The following SEMA3C variants were observed in gnomAD, a reference collection of about 807,000 sequenced individuals.
The protein encoded by SEMA3C is semaphorin 3C.
A neutral mutation model predicts 89.4 loss-of-function variants in SEMA3C; 47 were observed. The observed-to-expected ratio is 0.53, with a 90% CI of 0.42 to 0.67. SEMA3C has a LOEUF of 0.67. Ranked by LOEUF, SEMA3C falls within the 30% of genes least tolerant of loss-of-function variation. SEMA3C has a pLI of 0.00. For missense variants in SEMA3C, 839 were observed against 929.1 expected, an observed-to-expected ratio of 0.90 and a Z score of 1.26; for synonymous variants, 310 against 320.2, an observed-to-expected ratio of 0.97 and a Z score of 0.34.
At position 80,793,596 on chromosome 7, in the gene SEMA3C, T is replaced by C. The variant is rs114595703; in HGVS notation, c.1132-4068A>G. 6.0e-4 allele frequency: 229 copies of C among 383,972 alleles called. 3 individuals are homozygous for C. Among genetic ancestry groups the C allele is most frequent in the African/African-American group, 4.6e-3 (215 of 47,174 alleles). 23.8% of individuals were successfully genotyped at this position (383,972 alleles called of 1,614,324 possible). ...ATAAACAATCAATTTTGGTTTAGGA[T>C]CAATTTCCCTACATACTCAAGAGGC... is the stretch of plus-strand genomic sequence containing the variant. On this transcript the variant is annotated intron_variant, in intron 11 of 17. Coordinates refer to ENST00000265361, the MANE Select transcript of SEMA3C (RefSeq NM_006379.5).
intron 11 of SEMA3C, among the ~76,000 whole-genome samples, chr7:80,789,781 T>G (rs1282979172): frequency 6.6e-6 from 1 of 152,168 alleles, no homozygotes; most frequent in Non-Finnish European, 1.5e-5. Flanking sequence ...GATGCCATCT[T>G]GTATATGAGA....
intron 2 of SEMA3C, 31 bp downstream of exon 2, chr7:80,916,648 T>C (rs1792281729): frequency 2.5e-6 from 4 of 1,579,132 alleles, no homozygotes; most frequent in Non-Finnish European, 3.4e-6. Flanking sequence ...TAAAATAACA[T>C]TTTTCCCAGA....
At chr7:80,828,821 T>C (rs1789942514) in intron 2 of SEMA3C, 76 bp from the exon 3 acceptor site, 5 of 1,142,912 alleles carry the variant, frequency 4.4e-6, no homozygotes, top group African/African-American at 3.2e-5. Flanking sequence ...AAAACTATTA[T>C]GCAAATATTC....
At chr7:80,779,518 T>C (rs1038776585) in intron 12 of SEMA3C, among the ~76,000 whole-genome samples, 6 of 152,182 alleles carry the variant, frequency 3.9e-5, no homozygotes, top group African/African-American at 1.4e-4. Flanking sequence ...TCGGATAATG[T>C]CATTTCTAAC....
At chr7:80,751,783 G>A (rs1296959140) in intron 15 of SEMA3C, among the ~76,000 whole-genome samples, 1 of 152,028 alleles carries the variant, frequency 6.6e-6, no homozygotes, top group Non-Finnish European at 1.5e-5. Flanking sequence ...AATGTTTTCT[G>A]TTTCTAGATA....
intron 2 of SEMA3C, among the ~76,000 whole-genome samples, chr7:80,882,935 C>A (rs1791381552): frequency 6.7e-6 from 1 of 149,384 alleles, no homozygotes; most frequent in South Asian, 2.1e-4. Context: ...TTACCTAAAC[C>A]CTCTTATATA....
intron 2 of SEMA3C, among the ~76,000 whole-genome samples, chr7:80,836,335 G>T (rs185278324): frequency 6.6e-6 from 1 of 152,122 alleles, no homozygotes; most frequent in African/African-American, 2.4e-5. Flanking sequence ...ATGCCAAATG[G>T]ATTAAAGAAG....
intron 2 of SEMA3C, among the ~76,000 whole-genome samples, chr7:80,861,604 G>A (rs1790772869): frequency 1.3e-5 from 2 of 152,160 alleles, no homozygotes; most frequent in Non-Finnish European, 2.9e-5. Context: ...AACATTTAAA[G>A]CCTTTAGAAG....
upstream of SEMA3C, among the ~76,000 whole-genome samples, chr7:80,921,360 T>G (rs3762021): frequency 6.6e-6 from 1 of 152,078 alleles, no homozygotes; most frequent in Non-Finnish European, 1.5e-5. Flanking sequence ...CCAAGATAGA[T>G]TCAAGCGCAA....
At chr7:80,804,706 G>T (rs752238220) in intron 7 of SEMA3C, among the ~76,000 whole-genome samples, 1 of 152,082 alleles carries the variant, frequency 6.6e-6, no homozygotes, top group South Asian at 2.1e-4. Flanking sequence ...GAAAAACAGC[G>T]TCATTAGTCA....
chr7:80,783,152 A>T (rs1328433757), intron 12 of SEMA3C, among the ~76,000 whole-genome samples: 3 of 152,076 alleles, frequency 2.0e-5, no homozygotes, highest in Admixed American at 6.5e-5. Context: ...TTTGAAACAA[A>T]TTTTTTCAGC....
intron 10 of SEMA3C, among the ~76,000 whole-genome samples, chr7:80,799,195 G>A (rs1205687712): frequency 6.6e-6 from 1 of 152,030 alleles, no homozygotes; most frequent in African/African-American, 2.4e-5. Context: ...ATCTTGTGGG[G>A]CAACTGCAAA....
At chr7:80,831,096 T>C (rs149794462) in intron 2 of SEMA3C, among the ~76,000 whole-genome samples, 43 of 152,292 alleles carry the variant, frequency 2.8e-4, no homozygotes, top group African/African-American at 1.0e-3. Flanking sequence ...GGGTAAGATA[T>C]TGCTTGGGCT....
chr7:80,817,382 T>C (rs1368471749), intron 5 of SEMA3C, among the ~76,000 whole-genome samples: 6 of 152,146 alleles, frequency 3.9e-5, no homozygotes, highest in Non-Finnish European at 4.4e-5. Context: ...TAAAATCAAA[T>C]TAAAATATTA....
At chr7:80,786,667 C>T (rs141455187) in intron 12 of SEMA3C, among the ~76,000 whole-genome samples, 16 of 152,268 alleles carry the variant, frequency 1.1e-4, no homozygotes, top group African/African-American at 3.8e-4. Context: ...ACTTTATATG[C>T]AAATGAAGAT....
intron 2 of SEMA3C, among the ~76,000 whole-genome samples, chr7:80,852,891 G>C: frequency 6.6e-6 from 1 of 151,972 alleles, no homozygotes; most frequent in Admixed American, 6.6e-5. Context: ...TGTTAGCCAG[G>C]ATGGTCTCGA....
In SEMA3C at chr7:80,863,674, C is replaced by CACACATATATAT. The variant is rs1243145808; in HGVS notation, c.104-34941_104-34930dup. Among the ~76,000 whole-genome samples, 3 of 136,474 alleles carry CACACATATATAT rather than the reference C, an allele frequency of 2.2e-5. No homozygotes were observed. In the East Asian group the frequency reaches 6.0e-4, roughly 27 times the overall value. The allele number at this position is 136,474 out of a possible 152,430, so 89.5% of individuals were successfully genotyped here. A position where few individuals can be genotyped will look rare whatever the true frequency, so the allele number is the denominator to read the frequency against. The stretch of plus-strand genomic sequence containing the variant: ...TATATATATCACATATATATATATA[C>CACACATATATAT]ACACATATATATACACACACATATA... On this transcript the variant is annotated intron_variant, in intron 2 of 17. Coordinates refer to ENST00000265361, the MANE Select transcript of SEMA3C (RefSeq NM_006379.5).
intron 2 of SEMA3C, among the ~76,000 whole-genome samples, chr7:80,832,280 A>G (rs1035207570): frequency 2.0e-5 from 3 of 152,180 alleles, no homozygotes; most frequent in African/African-American, 4.8e-5. Context: ...TACTAAGTAT[A>G]TTATTTTGGG....
intron 17 of SEMA3C, among the ~76,000 whole-genome samples, chr7:80,747,705 A>C (rs1021110732): frequency 6.6e-5 from 10 of 152,308 alleles, no homozygotes; most frequent in Middle Eastern, 3.4e-3. Flanking sequence ...ATCTCAAATA[A>C]ATAATAATTT....
Sources: gnomAD v4.1 joint callset for allele counts (sites outside exome capture counted in the v4.1 genomes callset) on GRCh38, gnomAD v4.1.1 for gene constraint, MANE v1.5 for transcripts, NCBI Gene and HGNC (gene_info 2026-07-23, HGNC 2026-07-21) for gene names.